IL1RAPL2: variants seen among roughly 807,000 people sequenced by gnomAD.
IL1RAPL2 encodes the protein X-linked interleukin-1 receptor accessory protein-like 2.
Under a neutral mutation model 44.1 loss-of-function variants are expected in IL1RAPL2, and 3 were observed. The ratio of observed to expected loss-of-function variants is 0.07; its 90% CI spans 0.03 to 0.18. The LOEUF (loss-of-function observed/expected upper bound fraction) is 0.18. IL1RAPL2 is among the 10% of genes least tolerant of loss of function. IL1RAPL2 has a pLI of 1.00. For missense variants in IL1RAPL2, 391 were observed against 496.4 expected (o/e 0.79, Z 2.02); for synonymous variants, 181 against 178.8 (o/e 1.01, Z -0.10).
At chrX:105,585,881 C>G (rs776356285) in intron 6 of IL1RAPL2, among the ~76,000 whole-genome samples, 1 of 111,748 alleles carries the variant, frequency 8.9e-6, no homozygotes, top group East Asian at 2.8e-4. Context: ...GGTATACACC[C>G]AGTAATGGGA....
chrX:104,615,641 G>T (rs972749209), intron 1 of IL1RAPL2, among the ~76,000 whole-genome samples: 13 of 111,478 alleles, frequency 1.2e-4, no homozygotes, highest in African/African-American at 3.6e-4. Flanking sequence ...TGTGCATTTA[G>T]GTTGATTCCA....
At chrX:105,064,511 T>A (rs2032113586) in intron 2 of IL1RAPL2, among the ~76,000 whole-genome samples, 1 of 112,231 alleles carries the variant, frequency 8.9e-6, no homozygotes, top group Non-Finnish European at 1.9e-5. Context: ...AGGCTTCTTT[T>A]CAGCCATTTT....
chrX:105,099,781 AC>A (rs895160693), intron 2 of IL1RAPL2, among the ~76,000 whole-genome samples: 2 of 110,210 alleles, frequency 1.8e-5, no homozygotes, highest in African/African-American at 6.6e-5. Context: ...ACACTTTTAA[AC>A]AACCAGATCT....
At chrX:104,695,487 A>G (rs768500486) in intron 2 of IL1RAPL2, among the ~76,000 whole-genome samples, 1 of 111,290 alleles carries the variant, frequency 9.0e-6, no homozygotes, top group Non-Finnish European at 1.9e-5. Flanking sequence ...ATGAATGTGC[A>G]TATGACTAAG....
At chrX:105,109,344 G>GTAGACACT (rs1198609482) in intron 2 of IL1RAPL2, among the ~76,000 whole-genome samples, 2 of 112,121 alleles carry the variant, frequency 1.8e-5, no homozygotes, top group Non-Finnish European at 3.8e-5. Context: ...TACCCAAAAC[G>GTAGACACT]TAGACACTGC....
chrX:105,316,242 C>T (rs148930962), intron 5 of IL1RAPL2, among the ~76,000 whole-genome samples: 1,395 of 110,779 alleles, frequency 0.013, 12 homozygotes, highest in South Asian at 0.036. Context: ...TCACTGAACT[C>T]CAGCCTGGGT....
At chrX:105,435,479 T>G (rs1387411990) in intron 5 of IL1RAPL2, among the ~76,000 whole-genome samples, 1 of 111,784 alleles carries the variant, frequency 8.9e-6, no homozygotes, top group Admixed American at 9.5e-5. Flanking sequence ...TGGCAGATGG[T>G]GTGGTGATTC....
chrX:105,474,436 G>A (rs184188565), intron 5 of IL1RAPL2, among the ~76,000 whole-genome samples: 1 of 111,861 alleles, frequency 8.9e-6, no homozygotes, highest in Admixed American at 9.5e-5. Context: ...CTTACCAGCA[G>A]CAATAAAAGT....
chrX:105,271,660 C>T (rs2034447344), intron 5 of IL1RAPL2, among the ~76,000 whole-genome samples: 2 of 110,923 alleles, frequency 1.8e-5, no homozygotes, highest in Non-Finnish European at 1.9e-5. Flanking sequence ...ATTGATTCTT[C>T]CTACCCATGA....
At chrX:104,648,635 A>G (rs999537000) in intron 1 of IL1RAPL2, among the ~76,000 whole-genome samples, 1 of 111,634 alleles carries the variant, frequency 9.0e-6, no homozygotes, top group African/African-American at 3.3e-5. Flanking sequence ...TTTTGTCTAA[A>G]CTGCTTGTAA....
intron 6 of IL1RAPL2, among the ~76,000 whole-genome samples, chrX:105,535,699 C>T (rs1174114794): frequency 2.7e-5 from 3 of 111,778 alleles, no homozygotes; most frequent in Non-Finnish European, 5.6e-5. Context: ...AAGTTATGTA[C>T]TTCCATTTCC....
chrX:105,554,008 A>G (rs376761059), intron 6 of IL1RAPL2, among the ~76,000 whole-genome samples: 6 of 113,041 alleles, frequency 5.3e-5, no homozygotes, highest in South Asian at 7.3e-4. Flanking sequence ...TTCTGAGTCC[A>G]GTCTTAATAG....
intron 2 of IL1RAPL2, among the ~76,000 whole-genome samples, chrX:104,995,881 C>T (rs1412650680): frequency 9.0e-6 from 1 of 111,672 alleles, no homozygotes; most frequent in Non-Finnish European, 1.9e-5. Context: ...CTGCAGGGTT[C>T]CAAACAATGC....
At chrX:105,100,215 C>A (rs2032655209) in intron 2 of IL1RAPL2, among the ~76,000 whole-genome samples, 1 of 111,707 alleles carries the variant, frequency 9.0e-6, no homozygotes, top group African/African-American at 3.3e-5. Context: ...AGGTTTGGTA[C>A]TATCCACAGT....
At chrX:104,736,953 A>G (rs1932023228) in intron 2 of IL1RAPL2, among the ~76,000 whole-genome samples, 1 of 112,668 alleles carries the variant, frequency 8.9e-6, no homozygotes, top group Admixed American at 9.4e-5. Flanking sequence ...ACTCAGAGAT[A>G]CATGCAAAAG....
At chrX:105,165,689 C>T (rs1328170935) in intron 2 of IL1RAPL2, among the ~76,000 whole-genome samples, 3 of 112,165 alleles carry the variant, frequency 2.7e-5, no homozygotes, top group Admixed American at 9.5e-5. Context: ...CTAACATTTA[C>T]CCATATGCTC....
intron 2 of IL1RAPL2, among the ~76,000 whole-genome samples, chrX:104,847,776 G>T (rs1440048620): frequency 1.1e-4 from 12 of 111,663 alleles, no homozygotes; most frequent in Admixed American, 6.7e-4. Context: ...CTATAAATTA[G>T]CTTGGGCAGT....
rs777630653 is a variant in IL1RAPL2 at position 104,828,652 on chromosome X, C to A, written c.82+169657C>A. On this transcript the variant is annotated intron_variant, in intron 2 of 10. Coordinates refer to ENST00000372582, the MANE Select transcript of IL1RAPL2 (RefSeq NM_017416.2). ...AGTCTGTCCCTTAGCAGAGCTCGAG[C>A]GTTGTGCTGGGAGATCTGCTGTTCT... 5.3e-5 allele frequency among the ~76,000 whole-genome samples: 6 copies of A among 112,289 alleles called. No homozygotes were observed. In the Admixed American group the frequency reaches 5.6e-4, roughly 11 times the overall value.
intron 2 of IL1RAPL2, among the ~76,000 whole-genome samples, chrX:105,072,887 C>G (rs2392625): frequency 9.3e-6 from 1 of 107,760 alleles, no homozygotes; most frequent in Admixed American, 9.9e-5. Context: ...CTCCTACTTA[C>G]GAGTGAGAAC....
Sources: allele counts gnomAD v4.1 joint callset (sites outside exome capture counted in the v4.1 genomes callset), GRCh38; gene constraint gnomAD v4.1.1; transcripts MANE v1.5; gene names NCBI Gene and HGNC (gene_info 2026-07-23, HGNC 2026-07-21).